NPAS2: variants seen among roughly 807,000 people sequenced by gnomAD.
NPAS2 encodes the protein neuronal PAS domain-containing protein 2.
In NPAS2, 23 loss-of-function variants were observed where a neutral mutation model predicts 107.5. The ratio of observed to expected loss-of-function variants is 0.21; its 90% confidence interval spans 0.15 to 0.30. The LOEUF is 0.30. NPAS2 is among the 10% of genes least tolerant of loss of function. The pLI is 1.00. For synonymous variants in NPAS2, 403 were observed against 417.5 expected (o/e 0.97, Z 0.42); for missense variants, 756 against 1,043.3 (o/e 0.72, Z 3.79).
intron 1 of NPAS2, among the ~76,000 whole-genome samples, chr2:100,863,609 C>T (rs1055391776): frequency 2.6e-5 from 4 of 152,164 alleles, no homozygotes; most frequent in African/African-American, 9.7e-5. Flanking sequence ...CTCTAAATAG[C>T]TTTTCTTTCT....
At chr2:100,993,311 T>G in intron 19 of NPAS2, 36 bp from the exon 20 acceptor site, 1 of 1,515,234 alleles carries the variant, frequency 6.6e-7, no homozygotes, top group Non-Finnish European at 8.9e-7. Flanking sequence ...TACTGCTTTC[T>G]TAAAGGACCT....
At chr2:100,869,900 CTTTT>C (rs34489501) in intron 1 of NPAS2, among the ~76,000 whole-genome samples, 1 of 82,466 alleles carries the variant, frequency 1.2e-5, no homozygotes, top group Non-Finnish European at 2.5e-5. Context: ...CTCCTGACTT[CTTTT>C]TTTTTTTTTT....
intron 1 of NPAS2, among the ~76,000 whole-genome samples, chr2:100,888,682 T>A (rs1404694635): frequency 6.6e-6 from 1 of 152,232 alleles, no homozygotes; most frequent in African/African-American, 2.4e-5. Flanking sequence ...TAAGCTAATG[T>A]ACAAGAAAAC....
intron 1 of NPAS2, among the ~76,000 whole-genome samples, chr2:100,892,949 C>G (rs538926771): frequency 6.6e-6 from 1 of 152,116 alleles, no homozygotes; most frequent in South Asian, 2.1e-4. Flanking sequence ...AACTCCTGAC[C>G]TCAAGTGATC....
At position 100,820,178 on chromosome 2, in the gene NPAS2, G is replaced by T. The variant is rs1164257358; in HGVS notation, c.-259G>T. 8.0e-5 allele frequency: 12 copies of T among 150,542 alleles called. No individual in the cohort carries two copies. The South Asian group carries it at 2.2e-3, about 28-fold the overall frequency. The allele number at this position is 150,542 out of a possible 1,614,324, so 9.3% of individuals were successfully genotyped here. ...TTGCCGCGCGAGCAGCCGGCCTCTCGCAGGAGCCGAGGGACCCGCGCGGCT... is the reference window on the plus strand; with the variant it reads ...TTGCCGCGCGAGCAGCCGGCCTCTCTCAGGAGCCGAGGGACCCGCGCGGCT... On this transcript the variant is annotated 5_prime_UTR_variant, in exon 1 of 21. Transcript: ENST00000335681. The surrounding 1 kb of genome is among the most constrained non-coding windows in gnomAD (Gnocchi z 5.6).
Position 100,966,412 on chromosome 2 carries a change from A to G in NPAS2, c.907+646A>G, listed in dbSNP as rs114607369. Among the ~76,000 whole-genome samples the G allele has an allele frequency of 2.4e-3, 372 of 152,250 alleles. 1 individual carries two copies. The highest frequency in any genetic ancestry group is 3.6e-3 in the Non-Finnish European group (248 of 68,030). On this transcript the variant is annotated intron_variant, in intron 10 of 20. Coordinates refer to ENST00000335681, the MANE Select transcript of NPAS2 (RefSeq NM_002518.4). ...ACGATGTGGGGGAGTGAGAATTACA[A>G]GCTTGTCCGAGTTCTCACTTAGCAA...
chr2:100,963,416 T>TTTGTTTTGTTTTG (rs367674055), intron 7 of NPAS2, among the ~76,000 whole-genome samples: 22 of 152,214 alleles, frequency 1.4e-4, no homozygotes, highest in African/African-American at 5.1e-4. Flanking sequence ...TTTGTTTTGT[T>TTTGTTTTGTTTTG]TTGTTTGGAG....
intron 2 of NPAS2, among the ~76,000 whole-genome samples, chr2:100,914,360 A>G (rs919328544): frequency 6.6e-6 from 1 of 152,204 alleles, no homozygotes; most frequent in Non-Finnish European, 1.5e-5. Context: ...CCAGAGTTCT[A>G]GAGAGCTACG....
At chr2:100,991,869 C>T (rs1678155651) in intron 19 of NPAS2, among the ~76,000 whole-genome samples, 1 of 152,186 alleles carries the variant, frequency 6.6e-6, no homozygotes, top group Non-Finnish European at 1.5e-5. Flanking sequence ...CCACGGGCCC[C>T]TTGGGCTCCC....
chr2:100,888,021 G>T (rs1558842101), intron 1 of NPAS2, among the ~76,000 whole-genome samples: 1 of 152,196 alleles, frequency 6.6e-6, no homozygotes, highest in African/African-American at 2.4e-5. Context: ...GGTTGAATCT[G>T]TTTGCCCTTT....
intron 12 of NPAS2, among the ~76,000 whole-genome samples, chr2:100,971,459 G>A (rs1437749443): frequency 1.3e-5 from 2 of 152,150 alleles, no homozygotes; most frequent in Non-Finnish European, 2.9e-5. Flanking sequence ...CTCCCTCCCC[G>A]GCTGGGTTGT....
intron 19 of NPAS2, 99 bp from the exon 20 acceptor site, chr2:100,993,248 A>C (rs1678241136): frequency 1.6e-6 from 2 of 1,233,614 alleles, no homozygotes; most frequent in East Asian, 5.2e-5. Flanking sequence ...TTTCTTATGA[A>C]GTCCAACTTA....
intron 1 of NPAS2, among the ~76,000 whole-genome samples, chr2:100,845,711 A>G (rs564261257): frequency 6.6e-6 from 1 of 152,286 alleles, no homozygotes; most frequent in Admixed American, 6.5e-5. Flanking sequence ...TGGGATTCAC[A>G]TCAGAGAACT....
At chr2:100,967,388 G>A (rs564921947) in intron 10 of NPAS2, among the ~76,000 whole-genome samples, 16 of 151,282 alleles carry the variant, frequency 1.1e-4, no homozygotes, top group Admixed American at 2.6e-4. Context: ...CACCACACCC[G>A]GCTAATTTTT....
At chr2:100,950,606 A>T (rs1362377382) in intron 7 of NPAS2, among the ~76,000 whole-genome samples, 2 of 152,226 alleles carry the variant, frequency 1.3e-5, no homozygotes, top group Non-Finnish European at 2.9e-5. Flanking sequence ...ATAAATATAC[A>T]TGCTTTGTTT....
At chr2:100,818,805 G>A (rs546359143), upstream of NPAS2, among the ~76,000 whole-genome samples, 7 of 152,376 alleles carry the variant, frequency 4.6e-5, no homozygotes, top group African/African-American at 1.7e-4. Context: ...AGGCACCTAG[G>A]CCAGGGGAGC....
chr2:100,986,554 G>A (rs940946880), intron 16 of NPAS2: 1 of 152,230 alleles, frequency 6.6e-6, no homozygotes, highest in Non-Finnish European at 1.5e-5. Context: ...AACAGTGTAT[G>A]TTGAGAATCA....
intron 1 of NPAS2, among the ~76,000 whole-genome samples, chr2:100,891,510 G>A (rs533348344): frequency 8.5e-5 from 13 of 152,258 alleles, no homozygotes; most frequent in South Asian, 8.3e-4. Context: ...CAGATGAGGC[G>A]TCCCAACAGA....
chr2:100,851,126 G>T (rs148891451), intron 1 of NPAS2, among the ~76,000 whole-genome samples: 1 of 152,116 alleles, frequency 6.6e-6, no homozygotes, highest in Non-Finnish European at 1.5e-5. Flanking sequence ...ACGGGAAGTA[G>T]AATGGGAGTT....
Sources: gnomAD v4.1 joint callset for allele counts (sites outside exome capture counted in the v4.1 genomes callset) on GRCh38, gnomAD v4.1.1 for gene constraint, Gnocchi (gnomAD v3.1) non-coding constraint, MANE v1.5 for transcripts, NCBI Gene and HGNC (gene_info 2026-07-23, HGNC 2026-07-21) for gene names.